IL23R: variants seen among roughly 807,000 people sequenced by gnomAD.
IL23R encodes interleukin 23 receptor.
Under a neutral mutation model 56.9 loss-of-function variants are expected in IL23R, and 34 were observed. The ratio of observed to expected loss-of-function variants is 0.60; its 90% CI spans 0.45 to 0.80. The LOEUF is 0.80. Ranked by LOEUF, IL23R falls within the 30% of genes least tolerant of loss-of-function variation. The pLI, the probability that IL23R is intolerant of heterozygous loss-of-function variation, is 0.00. For missense variants in IL23R, 635 were observed against 730.0 expected, an observed-to-expected ratio of 0.87 and a Z score of 1.50; for synonymous variants, 230 against 249.2, an observed-to-expected ratio of 0.92 and a Z score of 0.73.
intron 1 of IL23R, among the ~76,000 whole-genome samples, chr1:67,155,798 G>A (rs963923261): frequency 3.3e-5 from 5 of 152,226 alleles, no homozygotes; most frequent in South Asian, 2.1e-4. Flanking sequence ...CTGTCAATTC[G>A]TCCATCTCAT....
Position 67,205,923 on chromosome 1 carries a change from CTTT to C in IL23R, c.653-984_653-982del, listed in dbSNP as rs768373240. Among the ~76,000 whole-genome samples, 248 of 96,498 alleles carry C rather than the reference CTTT, an allele frequency of 2.6e-3. 1 individual carries two copies. The highest frequency in any genetic ancestry group is 8.5e-3 in the African/African-American group (238 of 27,854). The allele number at this position is 96,498 out of a possible 152,430, so 63.3% of individuals were successfully genotyped here. A position where few individuals can be genotyped will look rare whatever the true frequency, so the allele number is the denominator to read the frequency against. The stretch of plus-strand genomic sequence containing the variant: ...TCTTTCTTTCTTTCTTTCTTTCTTT[CTTT>C]TTCTTTCTTTCTTTCTCTTTTTTTT... On this transcript the variant is annotated intron_variant, in intron 5 of 10. Coordinates refer to ENST00000347310, the MANE Select transcript of IL23R (RefSeq NM_144701.3).
chr1:67,226,418 G>C (rs1650621599), intron 7 of IL23R, among the ~76,000 whole-genome samples: 1 of 152,126 alleles, frequency 6.6e-6, no homozygotes. Context: ...AGAGTGGGAG[G>C]ATGATCTTCC....
At chr1:67,233,929 CTGTGTGTGTGTGTGTGTGTGTGTGTG>C (rs57455484) in intron 7 of IL23R, among the ~76,000 whole-genome samples, 4 of 138,690 alleles carry the variant, frequency 2.9e-5, no homozygotes, top group Non-Finnish European at 6.2e-5. Flanking sequence ...GTCATAAAGG[CTGTGTGTGTGTGTGTGTGTGTGTGTG>C]TGTGTGTGTG....
intron 6 of IL23R, among the ~76,000 whole-genome samples, chr1:67,213,562 A>G (rs924397982): frequency 3.3e-5 from 5 of 152,232 alleles, no homozygotes; most frequent in Non-Finnish European, 7.3e-5. Flanking sequence ...TGGTGGTCCC[A>G]TAAACTTATC....
chr1:67,211,258 G>A (rs1435735944), intron 6 of IL23R, among the ~76,000 whole-genome samples: 10 of 152,112 alleles, frequency 6.6e-5, no homozygotes. Flanking sequence ...GAATTAATGG[G>A]GTTTTATCCT....
chr1:67,243,046 T>G (rs1429482061), intron 9 of IL23R, among the ~76,000 whole-genome samples: 1 of 152,234 alleles, frequency 6.6e-6, no homozygotes, highest in Non-Finnish European at 1.5e-5. Context: ...TCATTTTATC[T>G]TTTCCATTAC....
chr1:67,168,279 T>G, intron 2 of IL23R, 89 bp downstream of exon 2: 1 of 1,000,196 alleles, frequency 1.0e-6, no homozygotes. Context: ...TGTTAGAATC[T>G]CTGAAGAATA....
At chr1:67,256,022 G>A (rs1652927659) in intron 10 of IL23R, 95 bp downstream of exon 10, 1 of 733,064 alleles carries the variant, frequency 1.4e-6, no homozygotes, top group Non-Finnish European at 2.4e-6. Context: ...ATAAATAAAT[G>A]TGCACACATA....
Position 67,219,324 on chromosome 1 carries a change from A to T in IL23R, c.799-250A>T, listed in dbSNP as rs948739611. Among the ~76,000 whole-genome samples the T allele has an allele frequency of 5.9e-5, 9 of 151,944 alleles. 1 individual carries two copies. Among genetic ancestry groups the T allele is most frequent in the African/African-American group, 2.2e-4 (9 of 41,358 alleles). On this transcript the variant is annotated intron_variant, in intron 6 of 10. Coordinates refer to ENST00000347310, the MANE Select transcript of IL23R (RefSeq NM_144701.3). Reference sequence around the variant, plus strand: ...CGGAGGTTGCAGTGAACTGAGATCGAGCCACCGCACTCCAGCCTGGGCAAT... The same window carrying T: ...CGGAGGTTGCAGTGAACTGAGATCGTGCCACCGCACTCCAGCCTGGGCAAT...
At chr1:67,176,290 TAAG>T (rs1647007690) in intron 3 of IL23R, among the ~76,000 whole-genome samples, 1 of 152,106 alleles carries the variant, frequency 6.6e-6, no homozygotes, top group Admixed American at 6.6e-5. Flanking sequence ...TAGTCAAGTA[TAAG>T]AAGAAGAGGA....
chr1:67,144,863 A>G (rs576368267), intron 1 of IL23R, among the ~76,000 whole-genome samples: 3 of 152,094 alleles, frequency 2.0e-5, no homozygotes, highest in African/African-American at 7.2e-5. Flanking sequence ...AATATTTCTC[A>G]CTCTGATCTA....
chr1:67,219,583 T>C lies in IL23R; in HGVS notation c.808T>C (p.Phe270Leu). The C allele has an allele frequency of 6.2e-7, 1 of 1,613,958 alleles. No individual in the cohort carries two copies. The highest frequency in any genetic ancestry group is 8.5e-7 in the Non-Finnish European group (1 of 1,179,904). ...TTNQTWNVKE[F>L]DTNFTYVQQS... Reference sequence around the variant, plus strand: ...TACCCATCCATTTTAGGTTAAAGAATTTGACACCAATTTTACATATGTGCA... The same window carrying C: ...TACCCATCCATTTTAGGTTAAAGAACTTGACACCAATTTTACATATGTGCA... The change falls in exon 7 of 11, where the codon TTT (phenylalanine) becomes CTT (leucine). Residue 270 changes from phenylalanine (F) to leucine (L), a missense_variant. Physicochemically the swap from Phe to Leu is conservative, Grantham distance 22. Coordinates refer to ENST00000347310, the MANE Select transcript of IL23R (RefSeq NM_144701.3).
Position 67,258,465 on chromosome 1 carries a change from C to CT in IL23R, c.1240-6dup, listed in dbSNP as rs762852157. On this transcript the variant is annotated splice_polypyrimidine_tract_variant and intron_variant, in intron 10 of 10. Coordinates refer to ENST00000347310, the MANE Select transcript of IL23R (RefSeq NM_144701.3). ...TGTCTTTTGCAAAATAAAATGATGTCTTTTTTTCCTAGGAAAATAGTGAAC... is the reference window on the plus strand; with the variant it reads ...TGTCTTTTGCAAAATAAAATGATGTCTTTTTTTTCCTAGGAAAATAGTGAAC... 3.0e-5 allele frequency: 48 copies of CT among 1,587,508 alleles called. No homozygotes were observed. The East Asian group carries it at 7.8e-4, about 26-fold the overall frequency.
At chr1:67,198,819 C>T (rs577694043) in intron 4 of IL23R, among the ~76,000 whole-genome samples, 1 of 152,280 alleles carries the variant, frequency 6.6e-6, no homozygotes, top group East Asian at 1.9e-4. Context: ...GTAGTACGTG[C>T]CTGTGGTCCC....
chr1:67,162,432 A>C (rs949377793), upstream of IL23R, among the ~76,000 whole-genome samples: 2 of 152,144 alleles, frequency 1.3e-5, no homozygotes, highest in African/African-American at 4.8e-5. Context: ...GTTTGCAGTG[A>C]GCCGAGATCG....
At chr1:67,254,415 AC>A (rs1311302310) in intron 9 of IL23R, among the ~76,000 whole-genome samples, 2 of 55,126 alleles carry the variant, frequency 3.6e-5, no homozygotes, top group Non-Finnish European at 6.9e-5. Context: ...AAATATATAT[AC>A]ATATATATAT....
chr1:67,155,694 A>G (rs1646765320), intron 1 of IL23R, among the ~76,000 whole-genome samples: 1 of 152,108 alleles, frequency 6.6e-6, no homozygotes. Flanking sequence ...AGCTCCTGTA[A>G]ACTTTTATCA....
chr1:67,228,000 TTCTTTC>T (rs1650774463), intron 7 of IL23R, among the ~76,000 whole-genome samples: 2 of 104,368 alleles, frequency 1.9e-5, no homozygotes, highest in African/African-American at 7.8e-5. Context: ...CTTTCTTTCT[TTCTTTC>T]TTTCTTTCTT....
intron 4 of IL23R, among the ~76,000 whole-genome samples, chr1:67,192,281 T>C (rs1647810477): frequency 6.6e-6 from 1 of 152,206 alleles, no homozygotes; most frequent in Non-Finnish European, 1.5e-5. Context: ...TGATAAACCT[T>C]ATCAAAGCAG....
Sources: gnomAD v4.1 joint callset for allele counts (sites outside exome capture counted in the v4.1 genomes callset) on GRCh38, gnomAD v4.1.1 for gene constraint, MANE v1.5 for transcripts, NCBI Gene and HGNC (gene_info 2026-07-23, HGNC 2026-07-21) for gene names.